PDE10A: variants seen among roughly 807,000 people sequenced by gnomAD.
The protein encoded by PDE10A is phosphodiesterase 10A.
Under a neutral mutation model 97.7 loss-of-function variants are expected in PDE10A, and 39 were observed. The observed-to-expected ratio is 0.40, with a 90% confidence interval of 0.31 to 0.52. The LOEUF (loss-of-function observed/expected upper bound fraction) is 0.52. PDE10A is among the 20% of genes least tolerant of loss of function. The pLI is 0.56. For synonymous variants in PDE10A, 371 were observed against 376.8 expected, an observed-to-expected ratio of 0.98 and a Z score of 0.18; for missense variants, 731 against 1,047.8, an observed-to-expected ratio of 0.70 and a Z score of 4.17.
intron 5 of PDE10A, among the ~76,000 whole-genome samples, chr6:165,444,332 G>C (rs1342227485): frequency 1.3e-5 from 2 of 152,050 alleles, no homozygotes; most frequent in African/African-American, 4.8e-5. Context: ...TTAAAGTTAG[G>C]GTCTAGCCCA....
chr6:165,680,027 C>T (rs1393995753), intron 1 of PDE10A, among the ~76,000 whole-genome samples: 2 of 151,846 alleles, frequency 1.3e-5, no homozygotes, highest in African/African-American at 4.8e-5. Flanking sequence ...TATGGGGTAC[C>T]CATGGTGGGA....
chr6:165,894,266 A>T, intron 1 of PDE10A: 1 of 455,748 alleles, frequency 2.2e-6, no homozygotes, highest in Non-Finnish European at 4.4e-6. Flanking sequence ...TTTTTCAGTG[A>T]TTTGGTGAAG....
At chr6:165,368,858 C>G (rs1044577986) in intron 18 of PDE10A, among the ~76,000 whole-genome samples, 1 of 152,164 alleles carries the variant, frequency 6.6e-6, no homozygotes, top group Non-Finnish European at 1.5e-5. Context: ...CCTCACACGG[C>G]CCGGTACTCC....
intron 1 of PDE10A, chr6:165,781,095 T>G (rs1249382696): frequency 6.6e-6 from 1 of 152,226 alleles, no homozygotes; most frequent in African/African-American, 2.4e-5. Context: ...GGGAATGGAA[T>G]AGTCCCATGA....
intron 1 of PDE10A, among the ~76,000 whole-genome samples, chr6:165,907,822 G>A (rs1205006797): frequency 6.6e-6 from 1 of 152,216 alleles, no homozygotes; most frequent in Non-Finnish European, 1.5e-5. Context: ...CTGAGGCCAT[G>A]CCTGGACACC....
At chr6:165,349,043 C>T (rs1782509926) in intron 18 of PDE10A, among the ~76,000 whole-genome samples, 1 of 152,104 alleles carries the variant, frequency 6.6e-6, no homozygotes, top group Admixed American at 6.6e-5. Context: ...TAGACTAATA[C>T]AGTAAATTGA....
At chr6:165,424,430 G>T (rs2128234442) in intron 10 of PDE10A, among the ~76,000 whole-genome samples, 1 of 152,264 alleles carries the variant, frequency 6.6e-6, no homozygotes, top group South Asian at 2.1e-4. Context: ...AGAAAAGGGT[G>T]AATGAAAACT....
intron 1 of PDE10A, among the ~76,000 whole-genome samples, chr6:165,642,871 A>G (rs1275039447): frequency 6.6e-6 from 1 of 152,198 alleles, no homozygotes; most frequent in Non-Finnish European, 1.5e-5. Context: ...AAATTGTATC[A>G]CAAGTTTAAA....
chr6:165,642,665 T>C (rs1789192041), intron 1 of PDE10A, among the ~76,000 whole-genome samples: 1 of 152,198 alleles, frequency 6.6e-6, no homozygotes, highest in South Asian at 2.1e-4. Flanking sequence ...GTAGTCCTTA[T>C]GCCTGTTGGC....
At chr6:165,870,530 T>C (rs148821526) in intron 1 of PDE10A, among the ~76,000 whole-genome samples, 3 of 152,230 alleles carry the variant, frequency 2.0e-5, no homozygotes, top group Admixed American at 6.5e-5. Context: ...TACAACCATA[T>C]AGAAAACAAT....
In PDE10A at chr6:165,715,037, G is replaced by A. The variant is rs780266428; in HGVS notation, c.-614-171469C>T. Among the ~76,000 whole-genome samples the A allele has an allele frequency of 3.6e-4, 55 of 152,380 alleles. No individual in the cohort carries two copies. In the Middle Eastern group the frequency reaches 0.01, roughly 28 times the overall value. ...CACAGAGCAGGGCAGGAGTGCCTGG[G>A]CAGGAACCCACGGGCCGCGAGGGTA... On this transcript the variant is annotated intron_variant, in intron 1 of 19. Transcript: ENST00000366882.
At chr6:165,872,375 T>C (rs1029613840) in intron 1 of PDE10A, among the ~76,000 whole-genome samples, 1 of 152,056 alleles carries the variant, frequency 6.6e-6, no homozygotes, top group Non-Finnish European at 1.5e-5. Context: ...CATTGTCACA[T>C]GTGGTGGGTG....
intron 1 of PDE10A, among the ~76,000 whole-genome samples, chr6:165,625,114 G>A (rs540764291): frequency 7.0e-6 from 1 of 143,352 alleles, no homozygotes; most frequent in South Asian, 2.1e-4. Flanking sequence ...GGCAGAGGAA[G>A]CCAGCCTTCT....
intron 13 of PDE10A, among the ~76,000 whole-genome samples, chr6:165,397,409 A>G (rs1234626626): frequency 1.3e-5 from 2 of 152,196 alleles, no homozygotes; most frequent in Non-Finnish European, 2.9e-5. Flanking sequence ...TATCCAGTCT[A>G]CATAAAAATA....
At chr6:165,665,051 C>T (rs989989456), upstream of PDE10A, among the ~76,000 whole-genome samples, 5 of 152,292 alleles carry the variant, frequency 3.3e-5, no homozygotes, top group South Asian at 1.0e-3. Context: ...TCCTGTTTAC[C>T]TTTCGTCCTT....
intron 1 of PDE10A, among the ~76,000 whole-genome samples, chr6:165,976,845 G>GGGCTGTGCGCCATGCCATCCTCC (rs1784862464): frequency 6.6e-6 from 1 of 152,080 alleles, no homozygotes; most frequent in African/African-American, 2.4e-5. Context: ...GGCCCTCCTC[G>GGGCTGTGCGCCATGCCATCCTCC]GGCTGTGCGC....
chr6:165,634,118 C>A (rs1053643443), intron 1 of PDE10A, among the ~76,000 whole-genome samples: 1 of 152,120 alleles, frequency 6.6e-6, no homozygotes, highest in Non-Finnish European at 1.5e-5. Flanking sequence ...TGTTTCAGTG[C>A]GTCTGGGGTA....
chr6:165,751,723 C>T (rs1562718689), intron 1 of PDE10A, among the ~76,000 whole-genome samples: 2 of 152,162 alleles, frequency 1.3e-5, no homozygotes, highest in East Asian at 1.9e-4. Flanking sequence ...GTCCCAGCAG[C>T]GCTATGACAA....
At chr6:165,576,142 G>A (rs1048232724) in intron 1 of PDE10A, among the ~76,000 whole-genome samples, 6 of 152,104 alleles carry the variant, frequency 3.9e-5, no homozygotes, top group Non-Finnish European at 8.8e-5. Context: ...GAACACCACA[G>A]AAATCCTCAA....
Sources: allele counts gnomAD v4.1 joint callset (sites outside exome capture counted in the v4.1 genomes callset), GRCh38; gene constraint gnomAD v4.1.1; transcripts MANE v1.5; gene names NCBI Gene and HGNC (gene_info 2026-07-23, HGNC 2026-07-21).